The following DPH6 variants were observed in gnomAD, a reference collection of about 807,000 sequenced individuals.
DPH6 encodes diphthamine biosynthesis 6, also known as diphthine--ammonia ligase.
Under a neutral mutation model 38.2 loss-of-function variants are expected in DPH6, and 33 were observed. The ratio of observed to expected loss-of-function variants is 0.86; its 90% CI spans 0.65 to 1.15. The LOEUF (loss-of-function observed/expected upper bound fraction) is 1.15, where lower values mean the gene tolerates loss of function less well. Ranked by LOEUF, DPH6 falls within the 50% of genes most tolerant of loss-of-function variation. The pLI, the probability that DPH6 is intolerant of heterozygous loss-of-function variation, is 0.00. For synonymous variants in DPH6, 108 were observed against 103.0 expected (o/e 1.05, Z -0.30); for missense variants, 325 against 320.0 (o/e 1.02, Z -0.12).
At chr15:35,331,333 T>C (rs923020336) in intron 3 of DPH6, among the ~76,000 whole-genome samples, 1 of 152,200 alleles carries the variant, frequency 6.6e-6, no homozygotes, top group African/African-American at 2.4e-5. Flanking sequence ...CAAGAGTTTT[T>C]ACATTAAAAT....
At chr15:35,281,375 C>T (rs1842557) in intron 3 of DPH6, among the ~76,000 whole-genome samples, 57,524 of 152,056 alleles carry the variant, frequency 0.38, 12,846 homozygotes, top group East Asian at 0.63. Flanking sequence ...AAGAGAAACA[C>T]TGCCTGAAAA....
intron 3 of DPH6, among the ~76,000 whole-genome samples, chr15:35,279,237 T>C (rs919581427): frequency 6.6e-6 from 1 of 151,846 alleles, no homozygotes; most frequent in African/African-American, 2.4e-5. Flanking sequence ...GTAAATAACT[T>C]TTTTTAATCT....
intron 3 of DPH6, among the ~76,000 whole-genome samples, chr15:35,244,005 A>C (rs890910344): frequency 1.3e-5 from 2 of 152,210 alleles, no homozygotes; most frequent in Non-Finnish European, 2.9e-5. Context: ...TTGTATGTTT[A>C]ATGCTCAAGG....
chr15:35,191,170 G>T, the DPH6 span, among the ~76,000 whole-genome samples: 3 of 152,116 alleles, frequency 2.0e-5, no homozygotes, highest in Non-Finnish European at 4.4e-5. Context: ...TAGATTCAAT[G>T]TAACATGCCA....
chr15:35,237,632 C>G (rs2051563497), intron 3 of DPH6: 7 of 1,611,636 alleles, frequency 4.3e-6, no homozygotes, highest in Admixed American at 1.7e-5. Context: ...AATTAAAGAC[C>G]TCAGCACAAC....
intron 3 of DPH6, among the ~76,000 whole-genome samples, chr15:35,532,073 G>T (rs1485528044): frequency 6.6e-6 from 1 of 152,144 alleles, no homozygotes; most frequent in Non-Finnish European, 1.5e-5. Flanking sequence ...AGGACAAAGA[G>T]ATAAGCATAA....
At chr15:35,254,045 A>G (rs1311845467) in intron 3 of DPH6, among the ~76,000 whole-genome samples, 3 of 152,224 alleles carry the variant, frequency 2.0e-5, no homozygotes, top group Non-Finnish European at 4.4e-5. Flanking sequence ...GCAAACTCCC[A>G]GTCTAGAAAA....
At chr15:35,386,530 C>G (rs371737059) in intron 6 of DPH6, among the ~76,000 whole-genome samples, 4 of 152,100 alleles carry the variant, frequency 2.6e-5, no homozygotes, top group African/African-American at 7.2e-5. Flanking sequence ...TTTTAATGAT[C>G]GCCATTCTAA....
At chr15:35,281,627 C>T (rs2051900062) in intron 3 of DPH6, among the ~76,000 whole-genome samples, 1 of 152,332 alleles carries the variant, frequency 6.6e-6, no homozygotes, top group African/African-American at 2.4e-5. Flanking sequence ...GTCTACTCTT[C>T]AGCTATCATC....
At chr15:35,365,255 A>T (rs2052647538) in intron 3 of DPH6, among the ~76,000 whole-genome samples, 2 of 152,074 alleles carry the variant, frequency 1.3e-5, no homozygotes, top group African/African-American at 4.8e-5. Flanking sequence ...CTTTCTCATG[A>T]ACACATCTAA....
At chr15:35,308,277 G>C (rs905059418) in intron 3 of DPH6, among the ~76,000 whole-genome samples, 1 of 152,006 alleles carries the variant, frequency 6.6e-6, no homozygotes, top group African/African-American at 2.4e-5. Context: ...AATGTCAAAA[G>C]CTTCTATGAT....
chr15:35,354,609 C>G (rs1357578134), intron 3 of DPH6, among the ~76,000 whole-genome samples: 1 of 152,160 alleles, frequency 6.6e-6, no homozygotes, highest in Non-Finnish European at 1.5e-5. Flanking sequence ...GTTGAACTAG[C>G]CTTGCATCCC....
intron 6 of DPH6, among the ~76,000 whole-genome samples, chr15:35,387,827 C>T (rs951455183): frequency 2.0e-5 from 3 of 152,030 alleles, no homozygotes; most frequent in African/African-American, 7.2e-5. Flanking sequence ...AATTGAATGC[C>T]CTTTATTTCC....
chr15:35,305,289 C>A (rs1351721672), intron 3 of DPH6, among the ~76,000 whole-genome samples: 2 of 152,096 alleles, frequency 1.3e-5, no homozygotes, highest in Non-Finnish European at 2.9e-5. Context: ...ACACCCCTTA[C>A]ACTCACAAAG....
At chr15:35,299,861 T>C (rs1019348341) in intron 3 of DPH6, among the ~76,000 whole-genome samples, 2 of 152,204 alleles carry the variant, frequency 1.3e-5, no homozygotes, top group African/African-American at 4.8e-5. Flanking sequence ...ATATAAACTC[T>C]ATCAGGCCAG....
At chr15:35,335,032 A>T (rs987160570) in intron 3 of DPH6, among the ~76,000 whole-genome samples, 1 of 151,978 alleles carries the variant, frequency 6.6e-6, no homozygotes, top group Non-Finnish European at 1.5e-5. Flanking sequence ...GTGTAAAAGC[A>T]TTCCTTTTTC....
At chr15:35,478,066 G>A (rs548413942) in intron 3 of DPH6, among the ~76,000 whole-genome samples, 2 of 151,970 alleles carry the variant, frequency 1.3e-5, no homozygotes, top group East Asian at 3.9e-4. Context: ...CCTAAGGGCT[G>A]TGTCTGATTT....
chr15:35,280,990 C>T (rs561598470), intron 3 of DPH6, among the ~76,000 whole-genome samples: 2 of 152,172 alleles, frequency 1.3e-5, no homozygotes, highest in African/African-American at 4.8e-5. Context: ...TTTTAGGGTA[C>T]ATGTGCACAA....
intron 5 of DPH6, among the ~76,000 whole-genome samples, chr15:35,429,602 C>T (rs1029351730): frequency 2.6e-5 from 4 of 152,016 alleles, no homozygotes; most frequent in African/African-American, 9.7e-5. Context: ...CTATCAACTT[C>T]ATATTAGGTC....
Sources: allele counts gnomAD v4.1 joint callset (sites outside exome capture counted in the v4.1 genomes callset), GRCh38; gene constraint gnomAD v4.1.1; transcripts MANE v1.5; gene names NCBI Gene and HGNC (gene_info 2026-07-23, HGNC 2026-07-21).